The following NRCAM variants were observed in gnomAD, a reference collection of about 807,000 sequenced individuals.
NRCAM encodes the protein neuronal cell adhesion molecule.
In NRCAM, 83 loss-of-function variants were observed where a neutral mutation model predicts 156.5. The observed-to-expected ratio is 0.53, with a 90% CI of 0.44 to 0.64. The LOEUF (loss-of-function observed/expected upper bound fraction) is 0.64, where lower values mean the gene tolerates loss of function less well. Ranked by LOEUF, NRCAM falls within the 30% of genes least tolerant of loss-of-function variation. The pLI is 0.00. For missense variants in NRCAM, 1,417 were observed against 1,597.3 expected (o/e 0.89, Z 1.92); for synonymous variants, 538 against 563.9 (o/e 0.95, Z 0.65).
At chr7:108,392,692 T>G (rs2154378729) in intron 2 of NRCAM, among the ~76,000 whole-genome samples, 1 of 152,294 alleles carries the variant, frequency 6.6e-6, no homozygotes, top group Non-Finnish European at 1.5e-5. Flanking sequence ...CTCCCCATCT[T>G]TGTGGTTTTA....
chr7:108,353,329 T>C (rs557254116), intron 2 of NRCAM, among the ~76,000 whole-genome samples: 2 of 152,178 alleles, frequency 1.3e-5, no homozygotes, highest in South Asian at 4.1e-4. Flanking sequence ...TTCTTCCTTC[T>C]TTCTTCTTCT....
intron 24 of NRCAM, among the ~76,000 whole-genome samples, chr7:108,180,905 T>C (rs1419062210): frequency 6.6e-6 from 1 of 152,240 alleles, no homozygotes; most frequent in East Asian, 1.9e-4. Context: ...CAGATGAACG[T>C]GTGGGCTACT....
intron 11 of NRCAM, among the ~76,000 whole-genome samples, chr7:108,221,329 C>T (rs1588897638): frequency 6.6e-6 from 1 of 152,168 alleles, no homozygotes; most frequent in South Asian, 2.1e-4. Context: ...GCCATTTCAT[C>T]CAGGAATCCC....
rs1486615105 is a variant in NRCAM at position 108,255,741 on chromosome 7, A to G, written c.-106-15571T>C. ...TGAGGAGCGCCTCTGCCCGGCCACG[A>G]CCCCGTCTGGGATCTGAGGAGTGTC... On this transcript the variant is annotated intron_variant, in intron 3 of 32. Transcript: ENST00000379028. Among the ~76,000 whole-genome samples the G allele has an allele frequency of 1.5e-4, 18 of 121,070 alleles. No homozygotes were observed. In the Admixed American group the frequency reaches 1.5e-3, roughly 10 times the overall value. 79.4% of individuals were successfully genotyped at this position (121,070 alleles called of 152,430 possible). A position where few individuals can be genotyped will look rare whatever the true frequency, so the allele number is the denominator to read the frequency against.
intron 2 of NRCAM, among the ~76,000 whole-genome samples, chr7:108,317,972 T>C (rs545565220): frequency 1.3e-4 from 19 of 149,080 alleles, no homozygotes; most frequent in African/African-American, 4.6e-4. Context: ...AGGGGGAAGA[T>C]TGAAAATAGA....
At chr7:108,153,565 G>A (rs988317747) in intron 32 of NRCAM, among the ~76,000 whole-genome samples, 1 of 151,958 alleles carries the variant, frequency 6.6e-6, no homozygotes, top group African/African-American at 2.4e-5. Flanking sequence ...TAATAATGAT[G>A]GCTGCTATCA....
chr7:108,216,609 T>C (rs999667002), intron 11 of NRCAM, among the ~76,000 whole-genome samples: 3 of 152,190 alleles, frequency 2.0e-5, no homozygotes, highest in Admixed American at 6.5e-5. Context: ...CTTCATTCAT[T>C]CTTTTTCATT....
At chr7:108,152,502 G>A (rs1163502052) in intron 32 of NRCAM, among the ~76,000 whole-genome samples, 3 of 149,102 alleles carry the variant, frequency 2.0e-5, no homozygotes, top group East Asian at 2.0e-4. Context: ...TTGTAAGGAC[G>A]CTGCCTTTAA....
At chr7:108,404,173 G>A (rs1489179453) in intron 1 of NRCAM, among the ~76,000 whole-genome samples, 7 of 152,140 alleles carry the variant, frequency 4.6e-5, no homozygotes, top group Admixed American at 6.5e-5. Flanking sequence ...CCCGATGCAC[G>A]AGCCTATTAA....
intron 2 of NRCAM, among the ~76,000 whole-genome samples, chr7:108,343,274 C>T (rs749157036): frequency 6.6e-6 from 1 of 152,178 alleles, no homozygotes; most frequent in Non-Finnish European, 1.5e-5. Flanking sequence ...TCTAAGTATG[C>T]TTACCTAGTC....
In NRCAM at chr7:108,231,103, C is replaced by T; in HGVS notation, c.478G>A (p.Gly160Ser). The T allele has an allele frequency of 6.2e-7, 1 of 1,608,040 alleles. No homozygotes were observed. Among genetic ancestry groups the T allele is most frequent in the Non-Finnish European group, 8.5e-7 (1 of 1,176,754 alleles). ...CTGCAGGGAAGTACTAAAGACTGACCACTTTGAAGTGTGATTGGTTCAAGT... is the reference window on the plus strand; with the variant it reads ...CTGCAGGGAAGTACTAAAGACTGACTACTTTGAAGTGTGATTGGTTCAAGT... ...EKLEPITLQS[G>S]QSLVLPCRPP... is the part of the protein sequence containing the mutation. The change falls in exon 8 of 33, where the codon GGT becomes AGT. Residue 160 changes from glycine to serine, a missense_variant. By Grantham distance (56) the Gly-to-Ser change is moderately conservative. This residue lies in a region of NRCAM where 1,238 missense variants were observed against 1,336.4 expected (regional missense o/e 0.93). Transcript: ENST00000379028.
intron 3 of NRCAM, among the ~76,000 whole-genome samples, chr7:108,292,184 T>C (rs1215410454): frequency 6.6e-6 from 1 of 152,230 alleles, no homozygotes; most frequent in Non-Finnish European, 1.5e-5. Flanking sequence ...TTCAGGGCTC[T>C]GGGTGTAAGA....
chr7:108,329,699 T>C (rs2099106783), intron 2 of NRCAM, among the ~76,000 whole-genome samples: 2 of 152,212 alleles, frequency 1.3e-5, no homozygotes, highest in East Asian at 3.9e-4. Flanking sequence ...AAAAGCACAA[T>C]CAACATGTAA....
intron 3 of NRCAM, among the ~76,000 whole-genome samples, chr7:108,268,646 G>A (rs13310633): frequency 0.43 from 34,752 of 80,618 alleles, 11,260 homozygotes; most frequent in Non-Finnish European, 0.61. Context: ...TGGGGGGGGC[G>A]GCGGTGGCGG....
rs910733285 is a variant in NRCAM at position 108,149,280 on chromosome 7, G to A, written c.*630C>T. 3 of 152,648 alleles carry A rather than the reference G, an allele frequency of 2.0e-5. No homozygotes were observed. Among genetic ancestry groups the A allele is most frequent in the Non-Finnish European group, 2.9e-5 (2 of 68,088 alleles). 9.5% of individuals were successfully genotyped at this position (152,648 alleles called of 1,614,324 possible). On this transcript the variant is annotated 3_prime_UTR_variant, in exon 33 of 33. Coordinates refer to ENST00000379028, the MANE Select transcript of NRCAM (RefSeq NM_001037132.4). ...TGCCTGGAAGATTAAGAAGCCTACG[G>A]AGTAACAGGAGCCAAGAGTAGGTAA...
intron 1 of NRCAM, among the ~76,000 whole-genome samples, chr7:108,436,284 A>G (rs1156519901): frequency 6.6e-6 from 1 of 152,208 alleles, no homozygotes; most frequent in Non-Finnish European, 1.5e-5. Flanking sequence ...TGAGTTTTAT[A>G]AAGATTCTGA....
At chr7:108,385,979 C>A (rs2099739795) in intron 2 of NRCAM, among the ~76,000 whole-genome samples, 2 of 151,940 alleles carry the variant, frequency 1.3e-5, no homozygotes, top group African/African-American at 4.8e-5. Context: ...GTAAGCAGAG[C>A]TGTTTTAGGT....
At chr7:108,410,873 G>A (rs181504435) in intron 1 of NRCAM, among the ~76,000 whole-genome samples, 175 of 152,176 alleles carry the variant, frequency 1.1e-3, no homozygotes, top group African/African-American at 4.0e-3. Context: ...AAAGAAAAAC[G>A]CCTTGTTTGC....
intron 1 of NRCAM, among the ~76,000 whole-genome samples, chr7:108,441,828 G>GT (rs1838874438): frequency 6.6e-6 from 1 of 152,198 alleles, no homozygotes. Context: ...CATTTACATA[G>GT]TGTCTATGAG....
Sources: allele counts gnomAD v4.1 joint callset (sites outside exome capture counted in the v4.1 genomes callset), GRCh38; gene constraint gnomAD v4.1.1; regional missense constraint gnomAD v4.1.1; transcripts MANE v1.5; gene names NCBI Gene and HGNC (gene_info 2026-07-23, HGNC 2026-07-21).